The following PHLDA2 variants were observed in gnomAD, a reference collection of about 807,000 sequenced individuals.
PHLDA2 encodes the protein pleckstrin homology like domain family A member 2.
PHLDA2 carries 5 observed loss-of-function variants against 5.9 expected under a neutral mutation model. The ratio of observed to expected loss-of-function variants is 0.85; its 90% CI spans 0.44 to 1.78. The LOEUF (loss-of-function observed/expected upper bound fraction) is 1.78. Among genes scored for constraint, PHLDA2 ranks in the 40% most tolerant of loss-of-function variants. The pLI, the probability that PHLDA2 is intolerant of heterozygous loss-of-function variation, is 0.02. For synonymous variants in PHLDA2, 111 were observed against 102.7 expected (o/e 1.08, Z -0.49); for missense variants, 216 against 228.3 (o/e 0.95, Z 0.35).
rs749359954 is a variant in PHLDA2, at chr11:2,929,296, T to C, written c.69A>G (p.Leu23=). 6.2e-7 allele frequency: 1 copy of C among 1,609,974 alleles called. No individual in the cohort carries two copies. Among genetic ancestry groups the C allele is most frequent in the Non-Finnish European group, 8.5e-7 (1 of 1,178,834 alleles). Residue 23 remains leucine, a synonymous_variant, in exon 1 of 2, where the codon CTA becomes CTG. Transcript: ENST00000314222. The surrounding 1 kb of genome is among the most constrained non-coding windows in gnomAD (Gnocchi z 8.3). The part of the protein sequence containing the change: ...LEKRSDSLFQ[L]WKKKRGVLTS... ...TGAGCACCCCGCGCTTCTTCTTCCA[T>C]AGCTGGAAGAGGCTGTCGCTGCGCT... is the stretch of plus-strand genomic sequence containing the variant.
rs1191252339 is a variant in PHLDA2, at chr11:2,929,344, C to T, written c.21G>A (p.Val7=). MKSPDE[V]LREGELEKRS... is the part of the protein sequence containing the mutation. ...GCTTCTCCAACTCGCCCTCGCGTAGCACCTCGTCGGGGGATTTCATGTCGT... is the reference window on the plus strand; with the variant it reads ...GCTTCTCCAACTCGCCCTCGCGTAGTACCTCGTCGGGGGATTTCATGTCGT... The change falls in exon 1 of 2, where the codon GTG becomes GTA. Residue 7 remains valine, a synonymous_variant. Coordinates refer to ENST00000314222, the MANE Select transcript of PHLDA2 (RefSeq NM_003311.4). The surrounding 1 kb of genome is among the most constrained non-coding windows in gnomAD (Gnocchi z 8.3). 1 of 1,607,622 alleles carries T rather than the reference C, an allele frequency of 6.2e-7. No individual in the cohort carries two copies. The highest frequency in any genetic ancestry group is 1.1e-5 in the South Asian group (1 of 90,250).
Position 2,928,582 on chromosome 11 carries a change from CCG to C in PHLDA2, c.*94_*95del. On this transcript the variant is annotated 3_prime_UTR_variant, in exon 2 of 2. Coordinates refer to ENST00000314222, the MANE Select transcript of PHLDA2 (RefSeq NM_003311.4). ...GGCGCCCGTGCAACGGAGCGAGGATCCGCGCGCACGGGAAGTTCTTCTGCTGC... is the reference window on the plus strand; with the variant it reads ...GGCGCCCGTGCAACGGAGCGAGGATCCGCGCACGGGAAGTTCTTCTGCTGC... 1 of 393,820 alleles carries C rather than the reference CCG, an allele frequency of 2.5e-6. No individual in the cohort carries two copies. The highest frequency in any genetic ancestry group is 1.1e-4 in the South Asian group (1 of 9,498). 24.4% of individuals were successfully genotyped at this position (393,820 alleles called of 1,614,324 possible). A position where few individuals can be genotyped will look rare whatever the true frequency, so the allele number is the denominator to read the frequency against.
rs1174665148 is a variant in PHLDA2 at position 2,928,963 on chromosome 11, G to T, written c.402C>A (p.Pro134=). The change falls in exon 1 of 2, where the codon CCC becomes CCA. Residue 134 remains proline (P), a synonymous_variant. Transcript: ENST00000314222. ...EDAVAAAAAA[P]SEPSEPSRPS... is the part of the protein sequence containing the mutation. ...GCCTGGAGGGCTCCGAGGGCTCGGAGGGTGCGGCGGCCGCGGCAGCCACGG... is the reference window on the plus strand; with the variant it reads ...GCCTGGAGGGCTCCGAGGGCTCGGATGGTGCGGCGGCCGCGGCAGCCACGG... 6.6e-7 allele frequency: 1 copy of T among 1,508,902 alleles called. No individual in the cohort carries two copies. The highest frequency in any genetic ancestry group is 2.4e-5 in the East Asian group (1 of 40,894). The allele number at this position is 1,508,902 out of a possible 1,614,324, so 93.5% of individuals were successfully genotyped here. A position where few individuals can be genotyped will look rare whatever the true frequency, so the allele number is the denominator to read the frequency against.
In PHLDA2 at chr11:2,928,954, G is replaced by A. The variant is rs1384970053; in HGVS notation, c.411C>T (p.Pro137=). Residue 137 remains proline (P), a synonymous_variant, in exon 1 of 2, where the codon CCC becomes CCT. Transcript: ENST00000314222. The stretch of plus-strand genomic sequence containing the variant: ...GCGGGGATGGCCTGGAGGGCTCCGA[G>A]GGCTCGGAGGGTGCGGCGGCCGCGG... ...VAAAAAAPSE[P]SEPSRPSPQP... The A allele has an allele frequency of 6.7e-7, 1 of 1,484,700 alleles. No homozygotes were observed. Among genetic ancestry groups the A allele is most frequent in the Non-Finnish European group, 8.8e-7 (1 of 1,130,128 alleles). The allele number at this position is 1,484,700 out of a possible 1,614,324, so 92.0% of individuals were successfully genotyped here.
rs917421059 is a variant in PHLDA2, at chr11:2,928,969, G to A, written c.396C>T (p.Ala132=). Residue 132 remains alanine, a synonymous_variant, in exon 1 of 2, where the codon GCC becomes GCT. Coordinates refer to ENST00000314222, the MANE Select transcript of PHLDA2 (RefSeq NM_003311.4). ...PAEDAVAAAA[A]APSEPSEPSR... ...AGGGCTCCGAGGGCTCGGAGGGTGC[G>A]GCGGCCGCGGCAGCCACGGCGTCCT... 4 of 1,515,014 alleles carry A rather than the reference G, an allele frequency of 2.6e-6. No homozygotes were observed. Among genetic ancestry groups the A allele is most frequent in the Admixed American group, 2.2e-5 (1 of 45,542 alleles). 93.8% of individuals were successfully genotyped at this position (1,515,014 alleles called of 1,614,324 possible). A position where few individuals can be genotyped will look rare whatever the true frequency, so the allele number is the denominator to read the frequency against.
Position 2,929,178 on chromosome 11 carries a change from G to T in PHLDA2, c.187C>A (p.Arg63Ser). The change falls in exon 1 of 2, where the codon CGC (arginine) becomes AGC (serine). Residue 63 changes from arginine to serine, a missense_variant. Physicochemically the swap from Arg to Ser is moderately radical, Grantham distance 110 (BLOSUM62 -1). Transcript: ENST00000314222. The surrounding 1 kb of genome is among the most constrained non-coding windows in gnomAD (Gnocchi z 8.3). The stretch of plus-strand genomic sequence containing the variant: ...GTGAAGTACACGTACTTGCCCGTGC[G>T]CTCCACGCAGTCCACCTTGAGGATG... ...HSILKVDCVE[R>S]TGKYVYFTIV... 1 of 1,612,842 alleles carries T rather than the reference G, an allele frequency of 6.2e-7. No individual in the cohort carries two copies. The highest frequency in any genetic ancestry group is 8.5e-7 in the Non-Finnish European group (1 of 1,179,900).
intron 1 of PHLDA2, 48 bp downstream of exon 1, chr11:2,928,848 C>A: frequency 1.6e-6 from 2 of 1,267,758 alleles, no homozygotes; most frequent in Non-Finnish European, 2.0e-6. Context: ...AGGCCCCGGT[C>A]CCGGCTGTTA....
chr11:2,929,251 C>T lies in PHLDA2; in HGVS notation c.114G>A (p.Leu38=), dbSNP rs1359706374. The change falls in exon 1 of 2, where the codon CTG becomes CTA. Residue 38 remains leucine, a synonymous_variant. Coordinates refer to ENST00000314222, the MANE Select transcript of PHLDA2 (RefSeq NM_003311.4). This position sits in a 1 kb window ranked among gnomAD's most constrained non-coding sequence, Gnocchi z 8.3. ...GGCGCGCGCGGGGGCTGGCGGGGAA[C>T]AGGCTCAGGCGGTCGGAGGTGAGCA... ...RGVLTSDRLS[L]FPASPRARPK... 7 of 1,611,692 alleles carry T rather than the reference C, an allele frequency of 4.3e-6. No homozygotes were observed. The highest frequency in any genetic ancestry group is 1.7e-5 in the Admixed American group (1 of 59,910).
At position 2,929,054 on chromosome 11, in the gene PHLDA2, C is replaced by A; in HGVS notation, c.311G>T (p.Arg104Leu). The A allele has an allele frequency of 6.2e-7, 1 of 1,607,738 alleles. No homozygotes were observed. The highest frequency in any genetic ancestry group is 2.2e-5 in the East Asian group (1 of 44,556). ...IALALIDFQN[R>L]RALQDFRSRQ... ...GCTGCGAAAGTCCTGCAGGGCGCGGCGGTTCTGGAAATCGATGAGCGCCAG... is the reference window on the plus strand; with the variant it reads ...GCTGCGAAAGTCCTGCAGGGCGCGGAGGTTCTGGAAATCGATGAGCGCCAG... Residue 104 changes from arginine to leucine, a missense_variant, in exon 1 of 2, where the codon CGC becomes CTC. Coordinates refer to ENST00000314222, the MANE Select transcript of PHLDA2 (RefSeq NM_003311.4). This position sits in a 1 kb window ranked among gnomAD's most constrained non-coding sequence, Gnocchi z 8.3.
Position 2,928,592 on chromosome 11 carries a change from G to C in PHLDA2, c.*86C>G, listed in dbSNP as rs1294803839. On this transcript the variant is annotated 3_prime_UTR_variant, in exon 2 of 2. Coordinates refer to ENST00000314222, the MANE Select transcript of PHLDA2 (RefSeq NM_003311.4). ...CAACGGAGCGAGGATCCGCGCGCAC[G>C]GGAAGTTCTTCTGCTGCAGGGCTGG... The C allele has an allele frequency of 2.5e-6, 1 of 395,650 alleles. No homozygotes were observed. Among genetic ancestry groups the C allele is most frequent in the Admixed American group, 4.5e-5 (1 of 22,050 alleles). The allele number at this position is 395,650 out of a possible 1,614,324, so 24.5% of individuals were successfully genotyped here. A position where few individuals can be genotyped will look rare whatever the true frequency, so the allele number is the denominator to read the frequency against.
intron 1 of PHLDA2, 92 bp from the exon 2 acceptor site, chr11:2,928,759 G>T: frequency 1.5e-6 from 1 of 653,394 alleles, no homozygotes; most frequent in African/African-American, 1.9e-5. Flanking sequence ...GGGGGCCAGC[G>T]CGATTGCGGG....
rs1222789222 is a variant in PHLDA2, at chr11:2,929,374, A to C, written c.-10T>G. 12 of 1,594,260 alleles carry C rather than the reference A, an allele frequency of 7.5e-6. No individual in the cohort carries two copies. Among genetic ancestry groups the C allele is most frequent in the South Asian group, 4.5e-5 (4 of 89,160 alleles). On this transcript the variant is annotated 5_prime_UTR_variant, in exon 1 of 2. Transcript: ENST00000314222. The surrounding 1 kb of genome is among the most constrained non-coding windows in gnomAD (Gnocchi z 8.3). Reference sequence around the variant, plus strand: ...CGTCGGGGGATTTCATGTCGTGCCGAGCGCGGGACTGGGAGCGGCAATGCG... The same window carrying C: ...CGTCGGGGGATTTCATGTCGTGCCGCGCGCGGGACTGGGAGCGGCAATGCG...
At chr11:2,928,712 C>T (rs1432152082) in intron 1 of PHLDA2, 45 bp from the exon 2 acceptor site, 6 of 493,530 alleles carry the variant, frequency 1.2e-5, no homozygotes, top group Admixed American at 4.3e-5. Flanking sequence ...AGGGCCGGTC[C>T]GGGTCCAGCC....
In PHLDA2 at chr11:2,929,149, G is replaced by C. The variant is rs147085186; in HGVS notation, c.216C>G (p.Ile72Met). 6.2e-7 allele frequency: 1 copy of C among 1,612,974 alleles called. No individual in the cohort carries two copies. Among genetic ancestry groups the C allele is most frequent in the South Asian group, 1.1e-5 (1 of 91,036 alleles). Reference sequence around the variant, plus strand: ...CGATCTCCTTGTGGTCGGTGGTGACGATGGTGAAGTACACGTACTTGCCCG... The same window carrying C: ...CGATCTCCTTGTGGTCGGTGGTGACCATGGTGAAGTACACGTACTTGCCCG... ...ERTGKYVYFT[I>M]VTTDHKEIDF... Residue 72 changes from isoleucine to methionine, a missense_variant, in exon 1 of 2, where the codon ATC becomes ATG. Coordinates refer to ENST00000314222, the MANE Select transcript of PHLDA2 (RefSeq NM_003311.4). The surrounding 1 kb of genome is among the most constrained non-coding windows in gnomAD (Gnocchi z 8.3).
rs1419903449 is a variant in PHLDA2, at chr11:2,929,408, C to T, written c.-44G>A. ...CTGGGAGCGGCAATGCGGGCGGTGA[C>T]GGCGCCGGCTCTGCTCCTCGTGGCC... On this transcript the variant is annotated 5_prime_UTR_variant, in exon 1 of 2. Transcript: ENST00000314222. This position sits in a 1 kb window ranked among gnomAD's most constrained non-coding sequence, Gnocchi z 8.3. The T allele has an allele frequency of 1.3e-6, 2 of 1,485,690 alleles. No homozygotes were observed. The highest frequency in any genetic ancestry group is 1.4e-5 in the African/African-American group (1 of 70,376). The allele number at this position is 1,485,690 out of a possible 1,614,324, so 92.0% of individuals were successfully genotyped here.
In PHLDA2 at chr11:2,929,248, G is replaced by C. The variant is rs2133866026; in HGVS notation, c.117C>G (p.Phe39Leu). The stretch of plus-strand genomic sequence containing the variant: ...TGGGGCGCGCGCGGGGGCTGGCGGG[G>C]AACAGGCTCAGGCGGTCGGAGGTGA... Reference protein sequence around the residue: ...GVLTSDRLSLFPASPRARPKE... With the variant: ...GVLTSDRLSLLPASPRARPKE... The change falls in exon 1 of 2, where the codon TTC becomes TTG. Residue 39 changes from phenylalanine (F) to leucine (L), a missense_variant. By Grantham distance (22) the Phe-to-Leu change is conservative. Transcript: ENST00000314222. This position sits in a 1 kb window ranked among gnomAD's most constrained non-coding sequence, Gnocchi z 8.3. The C allele has an allele frequency of 6.2e-7, 1 of 1,612,028 alleles. No individual in the cohort carries two copies. Among genetic ancestry groups the C allele is most frequent in the Non-Finnish European group, 8.5e-7 (1 of 1,179,764 alleles).
At position 2,928,907 on chromosome 11, in the gene PHLDA2, C is replaced by T. The variant is rs1481540920; in HGVS notation, c.458G>A (p.Ter153=). Residue 153 remains the stop codon, a stop_retained_variant, in exon 1 of 2, where the codon TGA becomes TAA. Coordinates refer to ENST00000314222, the MANE Select transcript of PHLDA2 (RefSeq NM_003311.4). ...PSPQPKPRTP[*] The stretch of plus-strand genomic sequence containing the variant: ...GGGCAGTCACTCACCGCGGCGGGCT[C>T]ATGGCGTGCGGGGTTTGGGCTGCGG... The T allele has an allele frequency of 4.4e-6, 6 of 1,373,558 alleles. No individual in the cohort carries two copies. Among genetic ancestry groups the T allele is most frequent in the Non-Finnish European group, 3.7e-6 (4 of 1,072,406 alleles). The allele number at this position is 1,373,558 out of a possible 1,614,324, so 85.1% of individuals were successfully genotyped here.
At position 2,929,094 on chromosome 11, in the gene PHLDA2, TC is replaced by T; in HGVS notation, c.270del (p.Trp90Ter). ...IDFRCAGESC[W>X]NAAIALALID... The stretch of plus-strand genomic sequence containing the variant: ...ATGAGCGCCAGCGCGATGGCCGCGT[TC>T]CAGCAGCTCTCGCCCGCGCAGCGGA... On this transcript the variant is annotated frameshift_variant, in exon 1 of 2. Coordinates refer to ENST00000314222, the MANE Select transcript of PHLDA2 (RefSeq NM_003311.4). LOFTEE classifies it high-confidence loss of function. This position sits in a 1 kb window ranked among gnomAD's most constrained non-coding sequence, Gnocchi z 8.3. 6.2e-7 allele frequency: 1 copy of T among 1,611,576 alleles called. No homozygotes were observed. The highest frequency in any genetic ancestry group is 1.1e-5 in the South Asian group (1 of 90,808).
At position 2,929,222 on chromosome 11, in the gene PHLDA2, T is replaced by C. The variant is rs765210875; in HGVS notation, c.143A>G (p.Lys48Arg). 7.4e-6 allele frequency: 12 copies of C among 1,612,108 alleles called. No homozygotes were observed. The African/African-American group carries it at 9.4e-5, about 13-fold the overall frequency. ...GAGGATGGAGTGGAAGCGCAGCTCC[T>C]TGGGGCGCGCGCGGGGGCTGGCGGG... is the stretch of plus-strand genomic sequence containing the variant. ...LFPASPRARP[K>R]ELRFHSILKV... Residue 48 changes from lysine to arginine, a missense_variant, in exon 1 of 2, where the codon AAG becomes AGG. Coordinates refer to ENST00000314222, the MANE Select transcript of PHLDA2 (RefSeq NM_003311.4). The surrounding 1 kb of genome is among the most constrained non-coding windows in gnomAD (Gnocchi z 8.3).
Sources: allele counts gnomAD v4.1 joint callset, GRCh38; gene constraint gnomAD v4.1.1; non-coding constraint Gnocchi (gnomAD v3.1); transcripts MANE v1.5; gene names NCBI Gene and HGNC (gene_info 2026-07-23, HGNC 2026-07-21).